Variants in NTRK2 observed in about 807,000 individuals in gnomAD.
NTRK2 encodes the protein BDNF/NT-3 growth factors receptor.
In NTRK2, 13 loss-of-function variants were observed where a neutral mutation model predicts 94.5. The observed-to-expected ratio is 0.14, with a 90% CI of 0.09 to 0.22. NTRK2 has a LOEUF of 0.22. Among genes scored for constraint, NTRK2 ranks in the 10% least tolerant of loss-of-function variants. The pLI, the probability that NTRK2 is intolerant of heterozygous loss-of-function variation, is 1.00. For missense variants in NTRK2, 639 were observed against 1,071.2 expected (o/e 0.60, Z 5.63); for synonymous variants, 372 against 407.4 (o/e 0.91, Z 1.05).
intron 12 of NTRK2, among the ~76,000 whole-genome samples, chr9:84,795,530 G>T (rs905024391): frequency 6.6e-6 from 1 of 152,100 alleles, no homozygotes; most frequent in African/African-American, 2.4e-5. Flanking sequence ...CTGAGAAGAG[G>T]GGACCTATGT....
intron 12 of NTRK2, among the ~76,000 whole-genome samples, chr9:84,777,470 C>G (rs2067161012): frequency 6.6e-6 from 1 of 152,168 alleles, no homozygotes; most frequent in Non-Finnish European, 1.5e-5. Flanking sequence ...GAGCCTGAAA[C>G]TTTCAGAAAT....
At chr9:84,930,929 C>T (rs954201197) in intron 14 of NTRK2, among the ~76,000 whole-genome samples, 1 of 152,158 alleles carries the variant, frequency 6.6e-6, no homozygotes, top group Non-Finnish European at 1.5e-5. Flanking sequence ...CACCTACAGG[C>T]TTAGAAGAGT....
At chr9:84,778,238 G>T (rs2067242875) in intron 12 of NTRK2, among the ~76,000 whole-genome samples, 1 of 152,116 alleles carries the variant, frequency 6.6e-6, no homozygotes, top group African/African-American at 2.4e-5. Context: ...ACTCCATCCT[G>T]GGTGACAGAT....
At chr9:84,774,678 T>C (rs1358764549) in intron 12 of NTRK2, among the ~76,000 whole-genome samples, 1 of 152,242 alleles carries the variant, frequency 6.6e-6, no homozygotes, top group East Asian at 1.9e-4. Context: ...ATAGCCCGTC[T>C]TGGAGAAACA....
At chr9:84,796,437 A>G (rs1288147640) in intron 12 of NTRK2, among the ~76,000 whole-genome samples, 11 of 152,178 alleles carry the variant, frequency 7.2e-5, no homozygotes, top group Admixed American at 5.9e-4. Context: ...CTTAGTTTCA[A>G]GAGGTGCTGG....
chr9:84,800,554 C>A (rs2070298558), intron 12 of NTRK2, among the ~76,000 whole-genome samples: 1 of 152,206 alleles, frequency 6.6e-6, no homozygotes, highest in Admixed American at 6.5e-5. Context: ...TCGAGGAATG[C>A]AGAGTCAATT....
At chr9:84,926,463 C>T in intron 14 of NTRK2, among the ~76,000 whole-genome samples, 1 of 151,924 alleles carries the variant, frequency 6.6e-6, no homozygotes, top group Non-Finnish European at 1.5e-5. Flanking sequence ...AACTCCTGAC[C>T]TCAGGTGATC....
intron 14 of NTRK2, among the ~76,000 whole-genome samples, chr9:84,906,603 T>A (rs1280786256): frequency 6.6e-6 from 1 of 152,200 alleles, no homozygotes; most frequent in Non-Finnish European, 1.5e-5. Flanking sequence ...GTCCAACCAC[T>A]ACGTTGATGA....
At chr9:84,701,613 G>A (rs1372839729) in intron 2 of NTRK2, among the ~76,000 whole-genome samples, 1 of 152,134 alleles carries the variant, frequency 6.6e-6, no homozygotes, top group Non-Finnish European at 1.5e-5. Context: ...AGGAAAGATT[G>A]ATACTGTTAC....
chr9:84,810,464 A>C (rs2071648813), intron 12 of NTRK2: 1 of 1,292,758 alleles, frequency 7.7e-7, no homozygotes. Flanking sequence ...TTCATTTGAA[A>C]GTTATTGTAC....
At chr9:84,788,356 A>G (rs1199622243) in intron 12 of NTRK2, among the ~76,000 whole-genome samples, 1 of 152,238 alleles carries the variant, frequency 6.6e-6, no homozygotes, top group Non-Finnish European at 1.5e-5. Flanking sequence ...TCATTTCTCA[A>G]ACATGAGCTA....
Position 84,874,443 on chromosome 9 carries a change from G to A in NTRK2, c.1633+7012G>A, listed in dbSNP as rs953536890. ...CTGTGAGAGTAACCACCGTAGCTGG[G>A]CTTCTTCTCAGATTAATTGTCATGC... On this transcript the variant is annotated intron_variant, in intron 14 of 18. Transcript: ENST00000277120. 4.7e-6 allele frequency: 5 copies of A among 1,065,676 alleles called. No homozygotes were observed. In the African/African-American group the frequency reaches 6.5e-5, roughly 14 times the overall value. 66.0% of individuals were successfully genotyped at this position (1,065,676 alleles called of 1,614,324 possible). A position where few individuals can be genotyped will look rare whatever the true frequency, so the allele number is the denominator to read the frequency against.
chr9:84,966,524 C>T (rs539427391), intron 17 of NTRK2, among the ~76,000 whole-genome samples: 6 of 152,248 alleles, frequency 3.9e-5, no homozygotes, highest in East Asian at 1.9e-4. Flanking sequence ...CTCCACCTCC[C>T]GGGTTCAAGT....
intron 12 of NTRK2, among the ~76,000 whole-genome samples, chr9:84,836,339 C>T (rs1366759927): frequency 6.6e-6 from 1 of 151,894 alleles, no homozygotes; most frequent in East Asian, 1.9e-4. Flanking sequence ...TATGTTGGTG[C>T]TTTTAAGTAA....
At position 85,025,052 on chromosome 9, in the gene NTRK2, T is replaced by C. The variant is rs1397186944; in HGVS notation, c.*3615T>C. 1 of 233,060 alleles carries C rather than the reference T, an allele frequency of 4.3e-6. No homozygotes were observed. The highest frequency in any genetic ancestry group is 8.5e-6 in the Non-Finnish European group (1 of 117,988). 14.4% of individuals were successfully genotyped at this position (233,060 alleles called of 1,614,324 possible). A position where few individuals can be genotyped will look rare whatever the true frequency, so the allele number is the denominator to read the frequency against. On this transcript the variant is annotated 3_prime_UTR_variant, in exon 19 of 19. Coordinates refer to ENST00000277120, the MANE Select transcript of NTRK2 (RefSeq NM_006180.6). ...TATGAATAATTTGCTTAAAATATGC[T>C]AAATAACCAAAACTGTTTAACGTCA...
intron 14 of NTRK2, among the ~76,000 whole-genome samples, chr9:84,892,712 G>A (rs142978941): frequency 2.5e-3 from 380 of 152,290 alleles, no homozygotes; most frequent in African/African-American, 8.7e-3. Flanking sequence ...CCTGAGGTCC[G>A]GAGTTCAGGA....
intron 17 of NTRK2, among the ~76,000 whole-genome samples, chr9:84,960,349 A>T (rs970509225): frequency 4.6e-5 from 7 of 152,210 alleles, no homozygotes; most frequent in Non-Finnish European, 5.9e-5. Context: ...CCAAGGGTTG[A>T]TGAACTGGAA....
Position 85,015,162 on chromosome 9 carries a change from A to C in NTRK2, c.2173-5044A>C, listed in dbSNP as rs988104987. On this transcript the variant is annotated intron_variant, in intron 17 of 18. Transcript: ENST00000277120. ...TGTGATACTAGTAACTATCTTTAGAAAAATACTCCCTTATGTTATACATAA... is the reference window on the plus strand; with the variant it reads ...TGTGATACTAGTAACTATCTTTAGACAAATACTCCCTTATGTTATACATAA... Among the ~76,000 whole-genome samples, 72 of 152,196 alleles carry C rather than the reference A, an allele frequency of 4.7e-4. 1 individual carries two copies.
intron 14 of NTRK2, chr9:84,876,240 A>G (rs199879879): frequency 9.1e-5 from 95 of 1,042,278 alleles, no homozygotes; most frequent in Non-Finnish European, 1.1e-4. Context: ...ATAAAGCCCT[A>G]TAGTGTGCAG....
Sources: allele counts gnomAD v4.1 joint callset (sites outside exome capture counted in the v4.1 genomes callset), GRCh38; gene constraint gnomAD v4.1.1; transcripts MANE v1.5; gene names NCBI Gene and HGNC (gene_info 2026-07-23, HGNC 2026-07-21).